The following TENM3 variants were observed in gnomAD, a reference collection of about 807,000 sequenced individuals.
The protein encoded by TENM3 is teneurin-3.
Under a neutral mutation model 255.1 loss-of-function variants are expected in TENM3, and 63 were observed. The ratio of observed to expected loss-of-function variants is 0.25; its 90% CI spans 0.20 to 0.30. The LOEUF is 0.30. Ranked by LOEUF, TENM3 falls within the 10% of genes least tolerant of loss-of-function variation. TENM3 has a pLI of 1.00. For missense variants in TENM3, 2,929 were observed against 3,461.1 expected, an observed-to-expected ratio of 0.85 and a Z score of 3.86; for synonymous variants, 1,306 against 1,322.3, an observed-to-expected ratio of 0.99 and a Z score of 0.27.
intron 1 of TENM3, among the ~76,000 whole-genome samples, chr4:182,260,102 T>G (rs1461388858): frequency 6.6e-6 from 1 of 152,250 alleles, no homozygotes; most frequent in Non-Finnish European, 1.5e-5. Flanking sequence ...TATTCCATTG[T>G]GTGTATGGAC....
chr4:182,799,582 T>A lies in TENM3; in HGVS notation c.7345-14T>A. On this transcript the variant is annotated splice_polypyrimidine_tract_variant and intron_variant, in intron 27 of 27. Coordinates refer to ENST00000511685, the MANE Select transcript of TENM3 (RefSeq NM_001080477.4). This position sits in a 1 kb window ranked among gnomAD's most constrained non-coding sequence, Gnocchi z 4.2. ...GCCGCCTCTGACGCGCCCCCTCTTT[T>A]GTTTCGCCCGCAGCCCATCTTCGGA... 6.5e-7 allele frequency: 1 copy of A among 1,533,298 alleles called. No homozygotes were observed. Among genetic ancestry groups the A allele is most frequent in the Non-Finnish European group, 8.7e-7 (1 of 1,145,462 alleles). The allele number at this position is 1,533,298 out of a possible 1,614,324, so 95.0% of individuals were successfully genotyped here.
chr4:182,660,858 A>T (rs181936064), intron 6 of TENM3, among the ~76,000 whole-genome samples: 94 of 152,370 alleles, frequency 6.2e-4, no homozygotes, highest in African/African-American at 2.1e-3. Flanking sequence ...ATTCTAGGCT[A>T]GATGGGAATC....
In TENM3 at chr4:182,793,175, C is replaced by T. The variant is rs371406834; in HGVS notation, c.6503C>T (p.Ala2168Val). ...NLHLLNPSNS[A>V]RLTPLRYDLR... ...CATTTACTGAACCCAAGTAACAGTGCGCGTCTGACACCCCTTCGCTATGAC... is the reference window on the plus strand; with the variant it reads ...CATTTACTGAACCCAAGTAACAGTGTGCGTCTGACACCCCTTCGCTATGAC... The change falls in exon 26 of 28, where the codon GCG becomes GTG. Residue 2168 changes from alanine to valine, a missense_variant. By Grantham distance (64) the Ala-to-Val change is moderately conservative. This residue lies in a region of TENM3 where 256 missense variants were observed against 389.3 expected (regional missense o/e 0.66). Coordinates refer to ENST00000511685, the MANE Select transcript of TENM3 (RefSeq NM_001080477.4). The surrounding 1 kb of genome is among the most constrained non-coding windows in gnomAD (Gnocchi z 5.7). 156 of 1,613,838 alleles carry T rather than the reference C, an allele frequency of 9.7e-5. No homozygotes were observed. The highest frequency in any genetic ancestry group is 1.8e-4 in the Admixed American group (11 of 60,002).
At chr4:182,614,078 C>T (rs1326181844) in intron 4 of TENM3, among the ~76,000 whole-genome samples, 1 of 152,162 alleles carries the variant, frequency 6.6e-6, no homozygotes, top group Non-Finnish European at 1.5e-5. Flanking sequence ...AGAATCATTA[C>T]ATATTTGTTC....
chr4:181,529,241 A>T, the TENM3 span, among the ~76,000 whole-genome samples: 2 of 152,144 alleles, frequency 1.3e-5, no homozygotes, highest in Non-Finnish European at 2.9e-5. Context: ...TACATGTCCA[A>T]AGGCATGAGC....
the TENM3 span, among the ~76,000 whole-genome samples, chr4:182,017,986 C>T: frequency 1.3e-5 from 2 of 152,114 alleles, no homozygotes; most frequent in African/African-American, 4.8e-5. Context: ...TAATGCAAAC[C>T]ACAGGAAATT....
At chr4:182,632,270 G>A (rs1459220888) in intron 5 of TENM3, among the ~76,000 whole-genome samples, 3 of 152,050 alleles carry the variant, frequency 2.0e-5, no homozygotes, top group African/African-American at 7.2e-5. Context: ...CGTGCATGTT[G>A]GTGTGTGCGT....
At chr4:182,752,073 T>TTA (rs1554029559) in intron 20 of TENM3, 41 bp downstream of exon 20, 11 of 920,464 alleles carry the variant, frequency 1.2e-5, no homozygotes, top group East Asian at 5.9e-5. Flanking sequence ...TTTTATTTAT[T>TTA]AAAAAAAAAA....
rs140863374 is a variant in TENM3 at position 182,680,799 on chromosome 4, G to A, written c.1834+62G>A. 2.1e-5 allele frequency: 27 copies of A among 1,287,174 alleles called. No homozygotes were observed. In the East Asian group the frequency reaches 7.3e-4, roughly 35 times the overall value. 79.7% of individuals were successfully genotyped at this position (1,287,174 alleles called of 1,614,324 possible). On this transcript the variant is annotated intron_variant, in intron 10 of 27. Transcript: ENST00000511685. ...CTTCATAAAGAAACAGATTGTATCT[G>A]TAATCTTTAGTTGGGCAGATCTCTT... is the stretch of plus-strand genomic sequence containing the variant.
intron 1 of TENM3, among the ~76,000 whole-genome samples, chr4:182,200,569 C>G (rs1754123338): frequency 6.6e-6 from 1 of 152,148 alleles, no homozygotes; most frequent in African/African-American, 2.4e-5. Context: ...GTGTCCTTGG[C>G]TAAGTTATTC....
the TENM3 span, among the ~76,000 whole-genome samples, chr4:182,013,432 G>C: frequency 1.3e-5 from 2 of 152,214 alleles, no homozygotes; most frequent in African/African-American, 4.8e-5. Flanking sequence ...TCAGAGAAGA[G>C]CTTCCAGTGA....
the TENM3 span, among the ~76,000 whole-genome samples, chr4:181,549,371 A>C: frequency 6.6e-6 from 1 of 152,134 alleles, no homozygotes; most frequent in Non-Finnish European, 1.5e-5. Flanking sequence ...GCCATTTTAC[A>C]TCATTGTTAT....
chr4:182,037,160 T>TA, the TENM3 span, among the ~76,000 whole-genome samples: 13 of 151,998 alleles, frequency 8.6e-5, no homozygotes, highest in African/African-American at 2.9e-4. Context: ...ATTTTTTTTT[T>TA]TTTGTGACAC....
chr4:182,457,340 A>G (rs1773958176), intron 3 of TENM3, among the ~76,000 whole-genome samples: 1 of 152,114 alleles, frequency 6.6e-6, no homozygotes, highest in Non-Finnish European at 1.5e-5. Flanking sequence ...AAGAGAAGCC[A>G]AGGCCTAATA....
the TENM3 span, among the ~76,000 whole-genome samples, chr4:181,788,618 G>A: frequency 5.5e-4 from 84 of 152,206 alleles, no homozygotes; most frequent in African/African-American, 1.9e-3. Context: ...TTTTTTTAGA[G>A]ACAGGGTCTC....
chr4:181,946,686 AAAATACAC>A, the TENM3 span, among the ~76,000 whole-genome samples: 1 of 152,324 alleles, frequency 6.6e-6, no homozygotes, highest in Admixed American at 6.5e-5. Context: ...AATAATTTGT[AAAATACAC>A]AAATACAAGA....
chr4:182,390,755 G>T (rs914712332), intron 3 of TENM3, among the ~76,000 whole-genome samples: 1 of 152,158 alleles, frequency 6.6e-6, no homozygotes, highest in Non-Finnish European at 1.5e-5. Context: ...TCTCAAAAGT[G>T]ACTTTTTTTC....
the TENM3 span, among the ~76,000 whole-genome samples, chr4:181,737,234 G>A: frequency 1.3e-5 from 2 of 152,106 alleles, no homozygotes; most frequent in African/African-American, 2.4e-5. Flanking sequence ...AACTTTGAAA[G>A]GTCCCATCCA....
the TENM3 span, among the ~76,000 whole-genome samples, chr4:181,549,762 C>T: frequency 1.3e-5 from 2 of 152,126 alleles, no homozygotes; most frequent in South Asian, 2.1e-4. Context: ...TCAAAATTTC[C>T]CTGTGCTTGG....
Sources: allele counts gnomAD v4.1 joint callset (sites outside exome capture counted in the v4.1 genomes callset), GRCh38; gene constraint gnomAD v4.1.1; regional missense constraint gnomAD v4.1.1; non-coding constraint Gnocchi (gnomAD v3.1); transcripts MANE v1.5; gene names NCBI Gene and HGNC (gene_info 2026-07-23, HGNC 2026-07-21).